Variants in SPRY3 observed in about 807,000 individuals in gnomAD.
The protein encoded by SPRY3 is sprouty RTK signaling antagonist 3.
Under a neutral mutation model 20.2 loss-of-function variants are expected in SPRY3, and 15 were observed. That is an observed-to-expected ratio of 0.74 (90% CI 0.50 to 1.14). The LOEUF is 1.14. SPRY3 is among the 50% of genes most tolerant of loss of function. The pLI is 0.00. For synonymous variants in SPRY3, 143 were observed against 136.5 expected (o/e 1.05, Z -0.33); for missense variants, 364 against 363.9 (o/e 1.00, Z 0.00).
chrX:155,633,316 G>A (rs1043239635), intron 1 of SPRY3, among the ~76,000 whole-genome samples: 4 of 101,030 alleles, frequency 4.0e-5, no homozygotes, highest in Admixed American at 2.2e-4. Flanking sequence ...CGAGGCGGGC[G>A]GATCACAAGG....
intron 2 of SPRY3, among the ~76,000 whole-genome samples, chrX:155,667,265 T>C (rs1275034503): frequency 3.6e-5 from 4 of 110,323 alleles, no homozygotes; most frequent in African/African-American, 1.3e-4. Context: ...AAGGGGGCAT[T>C]TTGTTTGTTG....
intron 2 of SPRY3, among the ~76,000 whole-genome samples, chrX:155,758,940 AAATTTC>A (rs2091293645): frequency 5.3e-5 from 8 of 152,300 alleles, no homozygotes; most frequent in African/African-American, 1.9e-4. Context: ...CTTCTAGAGA[AAATTTC>A]TGCTTCTAAT....
chrX:155,753,903 T>C (rs1371978171), intron 2 of SPRY3, among the ~76,000 whole-genome samples: 1 of 152,014 alleles, frequency 6.6e-6, no homozygotes, highest in Non-Finnish European at 1.5e-5. Context: ...TGAAGAGATG[T>C]CTATTCAAAT....
At chrX:155,770,019 A>G in intron 3 of SPRY3, among the ~76,000 whole-genome samples, 1 of 152,174 alleles carries the variant, frequency 6.6e-6, no homozygotes, top group Middle Eastern at 3.2e-3. Context: ...AATTCCCCCT[A>G]TGTTTGCTTT....
chrX:155,764,016 T>A (rs144472800), intron 2 of SPRY3, among the ~76,000 whole-genome samples: 1,666 of 152,286 alleles, frequency 0.011, 33 homozygotes, highest in African/African-American at 0.038. Context: ...CAAGGCAGGG[T>A]GACTTTTCTG....
chrX:155,638,330 A>G (rs868989191), intron 1 of SPRY3, among the ~76,000 whole-genome samples: 6 of 2,308 alleles, frequency 2.6e-3, no homozygotes, highest in African/African-American at 3.8e-3. Context: ...ATATATATAT[A>G]TATATATATA....
chrX:155,636,692 GTTAAC>G lies in SPRY3; in HGVS notation c.-440-20172_-440-20168del, dbSNP rs782398369. 1.3e-3 allele frequency among the ~76,000 whole-genome samples: 147 copies of G among 109,823 alleles called. 1 individual carries two copies. Among genetic ancestry groups the G allele is most frequent in the African/African-American group, 4.5e-3 (137 of 30,141 alleles). On this transcript the variant is annotated intron_variant, in intron 1 of 3. Coordinates refer to ENST00000675360, the Ensembl canonical transcript of SPRY3. Reference sequence around the variant, plus strand: ...ATTTTATATAAAATCATTTTTGGAAGTTAACTTTACAGTTTAGTGTTTATGTAAAA... The same window carrying G: ...ATTTTATATAAAATCATTTTTGGAAGTTTACAGTTTAGTGTTTATGTAAAA...
chrX:155,777,726 C>T (rs2091438348), downstream of SPRY3: 1 of 104,982 alleles, frequency 9.5e-6, no homozygotes, highest in African/African-American at 4.2e-5. Context: ...TGCAGGGAGG[C>T]TCTGTTTTCA....
At chrX:155,728,673 A>G (rs2091115157) in intron 2 of SPRY3, among the ~76,000 whole-genome samples, 1 of 152,192 alleles carries the variant, frequency 6.6e-6, no homozygotes, top group Non-Finnish European at 1.5e-5. Context: ...GGAAAAGCAC[A>G]GTATTTGGGC....
At chrX:155,742,121 T>C (rs769520494) in intron 2 of SPRY3, among the ~76,000 whole-genome samples, 2 of 152,098 alleles carry the variant, frequency 1.3e-5, no homozygotes, top group African/African-American at 2.4e-5. Flanking sequence ...CAAAGACACA[T>C]GTAGGCACGA....
intron 2 of SPRY3, among the ~76,000 whole-genome samples, chrX:155,738,635 C>T (rs1218115661): frequency 6.6e-6 from 1 of 152,014 alleles, no homozygotes; most frequent in Non-Finnish European, 1.5e-5. Flanking sequence ...CAGCCCCACC[C>T]CCAGCCAAGG....
intron 1 of SPRY3, among the ~76,000 whole-genome samples, chrX:155,621,433 A>G (rs1557349415): frequency 9.0e-6 from 1 of 111,477 alleles, no homozygotes; most frequent in Non-Finnish European, 1.9e-5. Context: ...TCAGACAAAC[A>G]TAGGTTTTAA....
intron 2 of SPRY3, among the ~76,000 whole-genome samples, chrX:155,751,957 ATAAAATAAAATAAAAT>A (rs1184219259): frequency 5.3e-4 from 79 of 147,964 alleles, no homozygotes; most frequent in African/African-American, 1.9e-3. Context: ...ATAAAATAAA[ATAAAATAAAATAAAAT>A]AAAATAAAAT....
At chrX:155,725,167 G>A (rs1465259686) in intron 2 of SPRY3, among the ~76,000 whole-genome samples, 1 of 152,184 alleles carries the variant, frequency 6.6e-6, no homozygotes, top group Non-Finnish European at 1.5e-5. Context: ...CAGGGATAAA[G>A]CCAACTTGAT....
intron 2 of SPRY3, among the ~76,000 whole-genome samples, chrX:155,736,166 C>A (rs889173592): frequency 6.6e-6 from 1 of 151,932 alleles, no homozygotes; most frequent in Non-Finnish European, 1.5e-5. Flanking sequence ...AAGCGATATC[C>A]AACATATCAT....
chrX:155,698,714 G>A (rs1353243053), intron 2 of SPRY3, among the ~76,000 whole-genome samples: 5 of 111,830 alleles, frequency 4.5e-5, no homozygotes, highest in Non-Finnish European at 9.4e-5. Context: ...AAGCAAGCAA[G>A]TAATCAACTA....
At position 155,708,638 on chromosome X, in the gene SPRY3, T is replaced by C. The variant is rs1478928391; in HGVS notation, c.-282+51613T>C. On this transcript the variant is annotated intron_variant, in intron 2 of 3. Transcript: ENST00000675360. The stretch of plus-strand genomic sequence containing the variant: ...TTTCTGTACATAGCAGGTATATATA[T>C]TTATGTGGTACATGAGATATTTTGG... Among the ~76,000 whole-genome samples the C allele has an allele frequency of 5.3e-5, 8 of 151,462 alleles. No homozygotes were observed. The South Asian group carries it at 1.0e-3, about 20-fold the overall frequency.
chrX:155,724,531 G>A (rs1417229394), intron 2 of SPRY3, among the ~76,000 whole-genome samples: 8 of 152,110 alleles, frequency 5.3e-5, no homozygotes, highest in Middle Eastern at 3.4e-3. Context: ...CTAGGATTCC[G>A]AAATTCCTAG....
chrX:155,696,410 C>T (rs1422611332), intron 2 of SPRY3, among the ~76,000 whole-genome samples: 1 of 110,290 alleles, frequency 9.1e-6, no homozygotes, highest in Non-Finnish European at 1.9e-5. Context: ...CCTTTTATAC[C>T]CCCAAGACTT....
Sources: gnomAD v4.1 joint callset for allele counts (sites outside exome capture counted in the v4.1 genomes callset) on GRCh38, gnomAD v4.1.1 for gene constraint, MANE v1.5 for transcripts, NCBI Gene and HGNC (gene_info 2026-07-23, HGNC 2026-07-21) for gene names.